SV2B: variants seen among roughly 807,000 people sequenced by gnomAD.
The protein encoded by SV2B is synaptic vesicle glycoprotein 2B, also known as solute carrier family 22 member B2.
In SV2B, 41 loss-of-function variants were observed where a neutral mutation model predicts 73.9. The ratio of observed to expected loss-of-function variants is 0.56; its 90% CI spans 0.43 to 0.72. The LOEUF (loss-of-function observed/expected upper bound fraction) is 0.72. Among genes scored for constraint, SV2B ranks in the 30% least tolerant of loss-of-function variants. SV2B has a pLI of 0.00. For missense variants in SV2B, 764 were observed against 857.8 expected (o/e 0.89, Z 1.37); for synonymous variants, 314 against 314.2 (o/e 1.00, Z 0.01).
At position 91,265,309 on chromosome 15, in the gene SV2B, C is replaced by T. The variant is rs576347682; in HGVS notation, c.1009-1273C>T. Reference sequence around the variant, plus strand: ...TGGAAGGAGAAGGAGTTGAAGCATTCGGCTGAGAACCCACGATCTGCAGGG... The same window carrying T: ...TGGAAGGAGAAGGAGTTGAAGCATTTGGCTGAGAACCCACGATCTGCAGGG... On this transcript the variant is annotated intron_variant, in intron 6 of 12. Coordinates refer to ENST00000394232, the MANE Select transcript of SV2B (RefSeq NM_001323032.3). This position sits in a 1 kb window ranked among gnomAD's most constrained non-coding sequence, Gnocchi z 4.2. 2.0e-4 allele frequency among the ~76,000 whole-genome samples: 30 copies of T among 152,278 alleles called. No homozygotes were observed. Among genetic ancestry groups the T allele is most frequent in the African/African-American group, 6.3e-4 (26 of 41,558 alleles).
rs1477214624 is a variant in SV2B at position 91,234,252 on chromosome 15, A to G, written c.451+7538A>G. Among the ~76,000 whole-genome samples, 1 of 152,190 alleles carries G rather than the reference A, an allele frequency of 6.6e-6. No individual in the cohort carries two copies. Among genetic ancestry groups the G allele is most frequent in the African/African-American group, 2.4e-5 (1 of 41,454 alleles). On this transcript the variant is annotated intron_variant, in intron 2 of 12. Coordinates refer to ENST00000394232, the MANE Select transcript of SV2B (RefSeq NM_001323032.3). The surrounding 1 kb of genome is among the most constrained non-coding windows in gnomAD (Gnocchi z 5.6). ...CACCCTCACTTGGAGGGTTCAGAGG[A>G]CACATCTTTTACCATGACTATGTGA...
intron 1 of SV2B, among the ~76,000 whole-genome samples, chr15:91,166,107 A>T (rs2043902824): frequency 6.6e-6 from 1 of 152,198 alleles, no homozygotes; most frequent in South Asian, 2.1e-4. Flanking sequence ...TAATATCAGC[A>T]GTTTTTAACT....
In SV2B at chr15:91,258,149, G is replaced by A. The variant is rs1222118962; in HGVS notation, c.785-272G>A. The stretch of plus-strand genomic sequence containing the variant: ...ATGTCAGGCCAGGCCTGGACCTGGG[G>A]ATTTGTCAGAATGCAGAATTCCTGG... On this transcript the variant is annotated intron_variant, in intron 4 of 12. Coordinates refer to ENST00000394232, the MANE Select transcript of SV2B (RefSeq NM_001323032.3). The surrounding 1 kb of genome is among the most constrained non-coding windows in gnomAD (Gnocchi z 4.7). 5.3e-5 allele frequency among the ~76,000 whole-genome samples: 8 copies of A among 152,160 alleles called. No individual in the cohort carries two copies. Among genetic ancestry groups the A allele is most frequent in the African/African-American group, 1.9e-4 (8 of 41,454 alleles).
In SV2B at chr15:91,140,694, T is replaced by A. The variant is rs1446424932; in HGVS notation, c.-392+40331T>A. Reference sequence around the variant, plus strand: ...GCTTCCTGGACTAACCAGGACTGGGTGTGAGACATGTACTAGATACTTCTG... The same window carrying A: ...GCTTCCTGGACTAACCAGGACTGGGAGTGAGACATGTACTAGATACTTCTG... On this transcript the variant is annotated intron_variant, in intron 1 of 12. Coordinates refer to ENST00000394232, the MANE Select transcript of SV2B (RefSeq NM_001323032.3). This position sits in a 1 kb window ranked among gnomAD's most constrained non-coding sequence, Gnocchi z 4.4. 6.6e-6 allele frequency among the ~76,000 whole-genome samples: 1 copy of A among 152,136 alleles called. No homozygotes were observed.
intron 6 of SV2B, among the ~76,000 whole-genome samples, chr15:91,264,211 C>T (rs1430113060): frequency 1.3e-5 from 2 of 152,274 alleles, no homozygotes; most frequent in African/African-American, 4.8e-5. Flanking sequence ...TCTACACCAA[C>T]CAAACAGGCC....
intron 1 of SV2B, among the ~76,000 whole-genome samples, chr15:91,142,925 C>T (rs944586186): frequency 1.3e-5 from 2 of 152,236 alleles, no homozygotes; most frequent in Admixed American, 1.3e-4. Context: ...TACATTTTTA[C>T]AGCTTGCAAT....
chr15:91,115,453 C>A lies in SV2B; in HGVS notation c.-392+15090C>A, dbSNP rs972252169. On this transcript the variant is annotated intron_variant, in intron 1 of 12. Coordinates refer to ENST00000394232, the MANE Select transcript of SV2B (RefSeq NM_001323032.3). This position sits in a 1 kb window ranked among gnomAD's most constrained non-coding sequence, Gnocchi z 4.3. Reference sequence around the variant, plus strand: ...GTAGTGTGATCTTGGCTCACTGCAACCTCTGCCTCTCAGGCTCAAGTAATC... The same window carrying A: ...GTAGTGTGATCTTGGCTCACTGCAAACTCTGCCTCTCAGGCTCAAGTAATC... Among the ~76,000 whole-genome samples, 5 of 152,004 alleles carry A rather than the reference C, an allele frequency of 3.3e-5. No individual in the cohort carries two copies. The highest frequency in any genetic ancestry group is 1.2e-4 in the African/African-American group (5 of 41,370).
rs1438433260 is a variant in SV2B, at chr15:91,118,514, A to G, written c.-392+18151A>G. 6.6e-6 allele frequency among the ~76,000 whole-genome samples: 1 copy of G among 152,156 alleles called. No individual in the cohort carries two copies. Among genetic ancestry groups the G allele is most frequent in the Non-Finnish European group, 1.5e-5 (1 of 68,028 alleles). ...CAGGAAGAAGCCTGATGTGTAGGGG[A>G]GGAGCAGGAGCCCCAGGGCTGTCCA... is the stretch of plus-strand genomic sequence containing the variant. On this transcript the variant is annotated intron_variant, in intron 1 of 12. Coordinates refer to ENST00000394232, the MANE Select transcript of SV2B (RefSeq NM_001323032.3). This position sits in a 1 kb window ranked among gnomAD's most constrained non-coding sequence, Gnocchi z 4.7.
Position 91,129,644 on chromosome 15 carries a change from G to A in SV2B, c.-392+29281G>A, listed in dbSNP as rs918174273. Among the ~76,000 whole-genome samples the A allele has an allele frequency of 1.3e-5, 2 of 152,234 alleles. No individual in the cohort carries two copies. Among genetic ancestry groups the A allele is most frequent in the African/African-American group, 2.4e-5 (1 of 41,468 alleles). On this transcript the variant is annotated intron_variant, in intron 1 of 12. Coordinates refer to ENST00000394232, the MANE Select transcript of SV2B (RefSeq NM_001323032.3). This position sits in a 1 kb window ranked among gnomAD's most constrained non-coding sequence, Gnocchi z 5.1. ...GATGGCTTTAGGGGCCATGCAGAGG[G>A]CAGTGGTAGGTATGAGGGAGCCAGC...
intron 1 of SV2B, among the ~76,000 whole-genome samples, chr15:91,205,394 G>T (rs2045598562): frequency 1.3e-5 from 2 of 151,586 alleles, no homozygotes; most frequent in African/African-American, 4.9e-5. Context: ...TAAACACAGG[G>T]TCTCACTCTG....
chr15:91,141,982 G>A lies in SV2B; in HGVS notation c.-392+41619G>A, dbSNP rs111961718. Among the ~76,000 whole-genome samples, 26 of 152,158 alleles carry A rather than the reference G, an allele frequency of 1.7e-4. No individual in the cohort carries two copies. Among genetic ancestry groups the A allele is most frequent in the African/African-American group, 6.0e-4 (25 of 41,444 alleles). On this transcript the variant is annotated intron_variant, in intron 1 of 12. Coordinates refer to ENST00000394232, the MANE Select transcript of SV2B (RefSeq NM_001323032.3). This position sits in a 1 kb window ranked among gnomAD's most constrained non-coding sequence, Gnocchi z 4.6. ...GGCACAAAGAGAGCAGGGAGGCAGAGAGGTAAGATACACGGCTTTGCAGGA... is the reference window on the plus strand; with the variant it reads ...GGCACAAAGAGAGCAGGGAGGCAGAAAGGTAAGATACACGGCTTTGCAGGA...
chr15:91,106,825 G>A lies in SV2B; in HGVS notation c.-392+6462G>A, dbSNP rs1042372095. On this transcript the variant is annotated intron_variant, in intron 1 of 12. Transcript: ENST00000394232. This position sits in a 1 kb window ranked among gnomAD's most constrained non-coding sequence, Gnocchi z 4.4. ...AATTTTATTTAAATCAATTTATGCCGAGTGTCACCAGCTTGCTTGAGAAAC... is the reference window on the plus strand; with the variant it reads ...AATTTTATTTAAATCAATTTATGCCAAGTGTCACCAGCTTGCTTGAGAAAC... Among the ~76,000 whole-genome samples, 6 of 152,182 alleles carry A rather than the reference G, an allele frequency of 3.9e-5. No individual in the cohort carries two copies. The highest frequency in any genetic ancestry group is 1.2e-4 in the African/African-American group (5 of 41,450).
rs114286292 is a variant in SV2B at position 91,268,480 on chromosome 15, C to T, written c.1248C>T (p.Arg416=). The change falls in exon 9 of 13, where the codon CGC becomes CGT. Residue 416 remains arginine, a synonymous_variant. Coordinates refer to ENST00000394232, the MANE Select transcript of SV2B (RefSeq NM_001323032.3). This position sits in a 1 kb window ranked among gnomAD's most constrained non-coding sequence, Gnocchi z 4.4. ...CAGTTTGGTTTCCTGATATGATCCG[C>T]TATTTTCAAGATGAAGAATACAAGT... ...GLTVWFPDMI[R]YFQDEEYKSK... The T allele has an allele frequency of 3.1e-4, 502 of 1,614,056 alleles. 1 individual carries two copies. The African/African-American group carries it at 5.9e-3, about 19-fold the overall frequency.
At position 91,289,604 on chromosome 15, in the gene SV2B, C is replaced by T; in HGVS notation, c.1792C>T (p.Leu598=). ...GTCTGCAATGATCGGCTGGCAGTGC[C>T]TGTTCTGTGGGACAAGCATTGCAGC... ...SESAMIGWQC[L]FCGTSIAAWN... The change falls in exon 12 of 13, where the codon CTG becomes TTG. Residue 598 remains leucine, a synonymous_variant. Coordinates refer to ENST00000394232, the MANE Select transcript of SV2B (RefSeq NM_001323032.3). The surrounding 1 kb of genome is among the most constrained non-coding windows in gnomAD (Gnocchi z 4.9). 6.2e-7 allele frequency: 1 copy of T among 1,614,228 alleles called. No individual in the cohort carries two copies. Among genetic ancestry groups the T allele is most frequent in the South Asian group, 1.1e-5 (1 of 91,086 alleles).
chr15:91,188,727 A>C (rs574688630), intron 1 of SV2B, among the ~76,000 whole-genome samples: 2 of 152,312 alleles, frequency 1.3e-5, no homozygotes, highest in South Asian at 4.2e-4. Context: ...TGCCCCATCA[A>C]GTATTACAGG....
intron 1 of SV2B, among the ~76,000 whole-genome samples, chr15:91,213,127 T>C (rs1304902669): frequency 6.6e-6 from 1 of 152,072 alleles, no homozygotes; most frequent in East Asian, 1.9e-4. Context: ...CACTCCAGCC[T>C]GGGTGGTGGA....
intron 1 of SV2B, among the ~76,000 whole-genome samples, chr15:91,196,708 T>C (rs977023481): frequency 3.3e-5 from 5 of 152,226 alleles, no homozygotes; most frequent in South Asian, 2.1e-4. Flanking sequence ...AATTATGAAT[T>C]ATCCTCTACT....
At position 91,262,800 on chromosome 15, in the gene SV2B, C is replaced by T. The variant is rs181885635; in HGVS notation, c.1008+2391C>T. The stretch of plus-strand genomic sequence containing the variant: ...AGTGAGTCTCCCGATCTTCCATCCC[C>T]GCCGACTCTGTGATGGCCTGTAGTG... On this transcript the variant is annotated intron_variant, in intron 6 of 12. Transcript: ENST00000394232. Among the ~76,000 whole-genome samples the T allele has an allele frequency of 9.4e-4, 143 of 152,298 alleles. 2 individuals are homozygous for T. Among genetic ancestry groups the T allele is most frequent in the South Asian group, 5.0e-3 (24 of 4,812 alleles).
intron 1 of SV2B, among the ~76,000 whole-genome samples, chr15:91,225,207 C>T (rs905969178): frequency 1.3e-5 from 2 of 152,316 alleles, no homozygotes; most frequent in East Asian, 1.9e-4. Flanking sequence ...TCCTCAGCCC[C>T]CTGTTCCTGC....
Sources: allele counts gnomAD v4.1 joint callset (sites outside exome capture counted in the v4.1 genomes callset), GRCh38; gene constraint gnomAD v4.1.1; non-coding constraint Gnocchi (gnomAD v3.1); transcripts MANE v1.5; gene names NCBI Gene and HGNC (gene_info 2026-07-23, HGNC 2026-07-21).